The following PTPN13 variants were observed in gnomAD, a reference collection of about 807,000 sequenced individuals.
PTPN13 encodes the protein tyrosine-protein phosphatase non-receptor type 13.
PTPN13 carries 191 observed loss-of-function variants against 284.0 expected under a neutral mutation model. The observed-to-expected ratio is 0.67, with a 90% CI of 0.60 to 0.76. The LOEUF (loss-of-function observed/expected upper bound fraction) is 0.76, where lower values mean the gene tolerates loss of function less well. Among genes scored for constraint, PTPN13 ranks in the 30% least tolerant of loss-of-function variants. The pLI, the probability that PTPN13 is intolerant of heterozygous loss-of-function variation, is 0.00. For missense variants in PTPN13, 2,797 were observed against 2,939.9 expected (o/e 0.95, Z 1.12); for synonymous variants, 986 against 1,022.3 (o/e 0.96, Z 0.68).
intron 17 of PTPN13, 66 bp downstream of exon 17, chr4:86,745,194 A>G (rs1736600625): frequency 7.0e-7 from 1 of 1,433,014 alleles, no homozygotes; most frequent in Non-Finnish European, 9.5e-7. Context: ...ACCAAGTTTT[A>G]AAAGAACTGC....
intron 3 of PTPN13, among the ~76,000 whole-genome samples, chr4:86,683,708 A>G (rs964478499): frequency 2.0e-5 from 3 of 152,232 alleles, no homozygotes; most frequent in African/African-American, 4.8e-5. Flanking sequence ...GTACAATTTT[A>G]TAACCTAGTT....
At chr4:86,699,116 A>G (rs951350413) in intron 6 of PTPN13, among the ~76,000 whole-genome samples, 4 of 152,114 alleles carry the variant, frequency 2.6e-5, no homozygotes, top group African/African-American at 4.8e-5. Context: ...AGCCTGGCAC[A>G]GTGGCTCACA....
In PTPN13 at chr4:86,771,223, C is replaced by T; in HGVS notation, c.4856C>T (p.Ser1619Phe). The T allele has an allele frequency of 6.2e-7, 1 of 1,611,790 alleles. No individual in the cohort carries two copies. Residue 1619 changes from serine (S) to phenylalanine (F), a missense_variant, in exon 31 of 48, where the codon TCT (serine) becomes TTT (phenylalanine). Transcript: ENST00000411767. The part of the protein sequence containing the change: ...QVLPNSSKDS[S>F]QPSCVEQSTS... Reference sequence around the variant, plus strand: ...CTTCCAAACAGCAGTAAAGACTCTTCTCAGCCATCATGTGTGGAGCAAAGC... The same window carrying T: ...CTTCCAAACAGCAGTAAAGACTCTTTTCAGCCATCATGTGTGGAGCAAAGC...
At chr4:86,689,827 G>A in intron 5 of PTPN13, 1 of 688,320 alleles carries the variant, frequency 1.5e-6, no homozygotes, top group Admixed American at 2.1e-5. Flanking sequence ...TTCTAAGGCT[G>A]TATTTTATCT....
chr4:86,813,570 G>A (rs1745467412), intron 47 of PTPN13, among the ~76,000 whole-genome samples: 1 of 152,000 alleles, frequency 6.6e-6, no homozygotes, highest in African/African-American at 2.4e-5. Context: ...TCACCTTCCT[G>A]AGTAGCTGGG....
At chr4:86,655,905 A>T (rs1292262947) in intron 2 of PTPN13, among the ~76,000 whole-genome samples, 1 of 152,088 alleles carries the variant, frequency 6.6e-6, no homozygotes, top group Non-Finnish European at 1.5e-5. Flanking sequence ...TGGTCTTTTG[A>T]CATAGTTCCA....
intron 2 of PTPN13, among the ~76,000 whole-genome samples, chr4:86,654,483 T>C (rs1378657601): frequency 6.6e-6 from 1 of 152,246 alleles, no homozygotes; most frequent in Non-Finnish European, 1.5e-5. Context: ...TCTTTATTTC[T>C]GCCTTCATTT....
chr4:86,678,558 A>G (rs1728542659), intron 3 of PTPN13, among the ~76,000 whole-genome samples: 1 of 152,214 alleles, frequency 6.6e-6, no homozygotes, highest in Admixed American at 6.5e-5. Flanking sequence ...TACTTATTAG[A>G]TATCTTCACT....
At chr4:86,781,053 G>A (rs985627470) in intron 36 of PTPN13, among the ~76,000 whole-genome samples, 3 of 151,930 alleles carry the variant, frequency 2.0e-5, no homozygotes, top group Non-Finnish European at 2.9e-5. Flanking sequence ...GTGTATTATT[G>A]GTATACTTTT....
rs1434584811 is a variant in PTPN13 at position 86,785,302 on chromosome 4, G to C, written c.6190G>C (p.Val2064Leu). ...TGAAGTTATCCAGTCTCTGCTGGATGTTGTGGATGAGGAAGCCCAGAATCT... is the reference window on the plus strand; with the variant it reads ...TGAAGTTATCCAGTCTCTGCTGGATCTTGTGGATGAGGAAGCCCAGAATCT... ...EAEVIQSLLD[V>L]VDEEAQNLLN... Residue 2064 changes from valine to leucine, a missense_variant, in exon 39 of 48, where the codon GTT becomes CTT. Transcript: ENST00000411767. 24 of 1,608,586 alleles carry C rather than the reference G, an allele frequency of 1.5e-5. No homozygotes were observed. The highest frequency in any genetic ancestry group is 2.0e-5 in the Non-Finnish European group (23 of 1,175,868).
intron 2 of PTPN13, among the ~76,000 whole-genome samples, chr4:86,661,739 A>G (rs1726511224): frequency 6.6e-6 from 1 of 152,248 alleles, no homozygotes. Flanking sequence ...AGCTAAAAAT[A>G]TACACTATTC....
chr4:86,661,391 C>A (rs1726469296), intron 2 of PTPN13, among the ~76,000 whole-genome samples: 2 of 152,084 alleles, frequency 1.3e-5, no homozygotes, highest in South Asian at 4.1e-4. Flanking sequence ...CACCTTGTAT[C>A]ATTTAGTAAC....
chr4:86,598,534 A>G (rs1236767350), intron 1 of PTPN13, among the ~76,000 whole-genome samples: 1 of 152,192 alleles, frequency 6.6e-6, no homozygotes, highest in East Asian at 1.9e-4. Flanking sequence ...CTTCCTTGCC[A>G]ATTTTCTTTA....
At chr4:86,748,856 C>T (rs1182686881) in intron 17 of PTPN13, among the ~76,000 whole-genome samples, 2 of 152,078 alleles carry the variant, frequency 1.3e-5, no homozygotes, top group African/African-American at 4.8e-5. Context: ...GGGGTTTCAC[C>T]GTGTTAGCCA....
At chr4:86,737,420 A>G (rs977581542) in intron 15 of PTPN13, among the ~76,000 whole-genome samples, 5 of 151,978 alleles carry the variant, frequency 3.3e-5, no homozygotes, top group Non-Finnish European at 5.9e-5. Context: ...TCATTTCTTT[A>G]TATATCATCT....
chr4:86,756,574 A>T (rs1737991318), intron 20 of PTPN13, among the ~76,000 whole-genome samples: 2 of 152,078 alleles, frequency 1.3e-5, no homozygotes, highest in African/African-American at 4.8e-5. Flanking sequence ...AGGAATATAT[A>T]CTCTACAGAG....
At chr4:86,705,329 G>A (rs1234249043) in intron 7 of PTPN13, among the ~76,000 whole-genome samples, 3 of 72,778 alleles carry the variant, frequency 4.1e-5, no homozygotes, top group African/African-American at 1.6e-4. Flanking sequence ...GCAAGACTCC[G>A]TCTCAAAAAA....
intron 7 of PTPN13, among the ~76,000 whole-genome samples, chr4:86,705,062 G>A (rs944411431): frequency 2.6e-5 from 4 of 152,192 alleles, no homozygotes; most frequent in East Asian, 1.9e-4. Flanking sequence ...AAGGCTGGGC[G>A]CGGTGGCTGA....
intron 12 of PTPN13, among the ~76,000 whole-genome samples, chr4:86,733,456 T>A (rs1056962287): frequency 1.3e-5 from 2 of 152,136 alleles, no homozygotes; most frequent in African/African-American, 4.8e-5. Flanking sequence ...GTACTATAAA[T>A]GACAATTGAC....
Sources: gnomAD v4.1 joint callset for allele counts (sites outside exome capture counted in the v4.1 genomes callset) on GRCh38, gnomAD v4.1.1 for gene constraint, MANE v1.5 for transcripts, NCBI Gene and HGNC (gene_info 2026-07-23, HGNC 2026-07-21) for gene names.